RARB: variants seen among roughly 807,000 people sequenced by gnomAD.
RARB encodes the protein HBV-activated protein.
RARB carries 17 observed loss-of-function variants against 51.9 expected under a neutral mutation model. The observed-to-expected ratio is 0.33, with a 90% CI of 0.22 to 0.49. The LOEUF is 0.49. Among genes scored for constraint, RARB ranks in the 20% least tolerant of loss-of-function variants. The probability of loss-of-function intolerance (pLI) is 0.99; values close to 1 mark genes in which losing one functional copy is unlikely to be tolerated. For missense variants in RARB, 369 were observed against 550.8 expected, an observed-to-expected ratio of 0.67 and a Z score of 3.30; for synonymous variants, 215 against 195.4, an observed-to-expected ratio of 1.10 and a Z score of -0.84.
In RARB at chr3:25,560,518, A is replaced by G. The variant is rs563103267; in HGVS notation, c.449-9240A>G. On this transcript the variant is annotated intron_variant, in intron 3 of 7. Coordinates refer to ENST00000330688, the MANE Select transcript of RARB (RefSeq NM_000965.5). Reference sequence around the variant, plus strand: ...TCTCAGAAAACGTTGAATCCCAAGGACATGAGCGTGGCCATAAATGTTCAC... The same window carrying G: ...TCTCAGAAAACGTTGAATCCCAAGGGCATGAGCGTGGCCATAAATGTTCAC... 1.5e-3 allele frequency among the ~76,000 whole-genome samples: 232 copies of G among 152,320 alleles called. 2 individuals carry two copies. The Middle Eastern group carries it at 0.024, about 16-fold the overall frequency.
intron 2 of RARB, among the ~76,000 whole-genome samples, chr3:24,908,413 A>ATG (rs1422031269): frequency 6.6e-6 from 1 of 152,186 alleles, no homozygotes; most frequent in Admixed American, 6.6e-5. Context: ...TTGAAAGTCA[A>ATG]TACACCTACA....
At chr3:24,894,807 G>C (rs934703814) in intron 2 of RARB, among the ~76,000 whole-genome samples, 1 of 152,184 alleles carries the variant, frequency 6.6e-6, no homozygotes, top group Non-Finnish European at 1.5e-5. Context: ...CAGAAATGAA[G>C]AAGATGTAGT....
intron 5 of RARB, among the ~76,000 whole-genome samples, chr3:25,310,596 T>C (rs1030907863): frequency 2.0e-5 from 3 of 152,172 alleles, no homozygotes; most frequent in Non-Finnish European, 4.4e-5. Flanking sequence ...ATGAACACTT[T>C]AGAAGGAGTC....
At chr3:24,994,020 C>T (rs1311655151) in intron 2 of RARB, among the ~76,000 whole-genome samples, 1 of 152,068 alleles carries the variant, frequency 6.6e-6, no homozygotes, top group Non-Finnish European at 1.5e-5. Flanking sequence ...GATAAATTCC[C>T]AGTAGTGGAA....
At chr3:24,839,889 A>G (rs1217001810) in intron 1 of RARB, among the ~76,000 whole-genome samples, 1 of 152,208 alleles carries the variant, frequency 6.6e-6, no homozygotes, top group Non-Finnish European at 1.5e-5. Context: ...GGCTCGAAAA[A>G]TGTATCCTAC....
At chr3:25,407,921 C>A (rs576282591) in intron 5 of RARB, among the ~76,000 whole-genome samples, 1 of 152,296 alleles carries the variant, frequency 6.6e-6, no homozygotes, top group African/African-American at 2.4e-5. Context: ...GTGTACACTT[C>A]ATGTCTCCCA....
At chr3:24,996,915 A>G (rs1305970189) in intron 2 of RARB, among the ~76,000 whole-genome samples, 2 of 152,142 alleles carry the variant, frequency 1.3e-5, no homozygotes, top group Non-Finnish European at 2.9e-5. Context: ...TATTTATGAA[A>G]AGAATGTATA....
chr3:25,009,135 T>C (rs1270324288), intron 2 of RARB, among the ~76,000 whole-genome samples: 2 of 152,112 alleles, frequency 1.3e-5, no homozygotes, highest in South Asian at 2.1e-4. Context: ...TCACAATTGC[T>C]TGGAGTCCTT....
At chr3:25,397,628 C>T (rs796160774) in intron 5 of RARB, among the ~76,000 whole-genome samples, 6 of 152,198 alleles carry the variant, frequency 3.9e-5, no homozygotes, top group African/African-American at 1.4e-4. Context: ...TTTAAAACCC[C>T]AATATTGAAT....
At chr3:25,564,533 G>A (rs1262634721) in intron 3 of RARB, among the ~76,000 whole-genome samples, 1 of 152,176 alleles carries the variant, frequency 6.6e-6, no homozygotes, top group African/African-American at 2.4e-5. Context: ...TTTAAGTTCT[G>A]GAAGAAAGAG....
chr3:24,835,303 C>A (rs1702330293), intron 1 of RARB, among the ~76,000 whole-genome samples: 1 of 152,158 alleles, frequency 6.6e-6, no homozygotes. Context: ...ATCCATGCTA[C>A]CATGCTCTAG....
chr3:25,204,338 CA>C (rs757287012), intron 5 of RARB, among the ~76,000 whole-genome samples: 1 of 152,114 alleles, frequency 6.6e-6, no homozygotes, highest in Non-Finnish European at 1.5e-5. Context: ...AATCTTTTTT[CA>C]AGGTTTTTAA....
intron 5 of RARB, among the ~76,000 whole-genome samples, chr3:25,250,285 G>A (rs1702679741): frequency 6.6e-6 from 1 of 152,176 alleles, no homozygotes. Flanking sequence ...CAGCCTGTGT[G>A]GGTCTATCCT....
chr3:24,960,501 G>T (rs1455521861), intron 2 of RARB, among the ~76,000 whole-genome samples: 1 of 152,186 alleles, frequency 6.6e-6, no homozygotes, highest in Non-Finnish European at 1.5e-5. Context: ...TGGGTACTCA[G>T]ATCTTTGTAT....
chr3:24,839,864 C>T (rs1015412078), intron 1 of RARB, among the ~76,000 whole-genome samples: 62 of 152,074 alleles, frequency 4.1e-4, no homozygotes, highest in African/African-American at 1.4e-3. Context: ...AAGAATGAAT[C>T]GAAGTGCATG....
chr3:25,375,453 A>T (rs1706431653), intron 5 of RARB, among the ~76,000 whole-genome samples: 1 of 152,174 alleles, frequency 6.6e-6, no homozygotes, highest in Non-Finnish European at 1.5e-5. Flanking sequence ...GGAGCTTTGC[A>T]ATAATATGGT....
chr3:25,456,717 A>T (rs1440132257), intron 1 of RARB, among the ~76,000 whole-genome samples: 35 of 134,916 alleles, frequency 2.6e-4, no homozygotes, highest in Admixed American at 2.3e-3. Context: ...AGAGAGAGAG[A>T]GTCAAATACT....
At chr3:25,378,487 C>CA (rs1486090645) in intron 5 of RARB, among the ~76,000 whole-genome samples, 2 of 152,078 alleles carry the variant, frequency 1.3e-5, no homozygotes, top group Non-Finnish European at 2.9e-5. Flanking sequence ...TCAACAACAA[C>CA]AAAAAAATCT....
At chr3:24,921,735 C>A (rs933253468) in intron 2 of RARB, among the ~76,000 whole-genome samples, 4 of 152,142 alleles carry the variant, frequency 2.6e-5, no homozygotes, top group African/African-American at 9.7e-5. Context: ...TCTACCCAGA[C>A]TAAATTTGTC....
Sources: gnomAD v4.1 joint callset for allele counts (sites outside exome capture counted in the v4.1 genomes callset) on GRCh38, gnomAD v4.1.1 for gene constraint, MANE v1.5 for transcripts, NCBI Gene and HGNC (gene_info 2026-07-23, HGNC 2026-07-21) for gene names.